The following ZDHHC21 variants were observed in gnomAD, a reference collection of about 807,000 sequenced individuals.
ZDHHC21 encodes the protein palmitoyltransferase ZDHHC21.
ZDHHC21 carries 15 observed loss-of-function variants against 34.6 expected under a neutral mutation model. The ratio of observed to expected loss-of-function variants is 0.43; its 90% CI spans 0.29 to 0.67. ZDHHC21 has a LOEUF of 0.67. Among genes scored for constraint, ZDHHC21 ranks in the 30% least tolerant of loss-of-function variants. The pLI, the probability that ZDHHC21 is intolerant of heterozygous loss-of-function variation, is 0.14. For missense variants in ZDHHC21, 344 were observed against 327.7 expected (o/e 1.05, Z -0.38); for synonymous variants, 142 against 101.8 (o/e 1.40, Z -2.38).
chr9:14,591,415 C>A, the ZDHHC21 span, among the ~76,000 whole-genome samples: 3 of 152,058 alleles, frequency 2.0e-5, no homozygotes, highest in Non-Finnish European at 4.4e-5. Flanking sequence ...ACAAGAAGGT[C>A]ATCAAACACT....
At chr9:14,660,372 C>CAAA (rs374162221) in intron 6 of ZDHHC21, among the ~76,000 whole-genome samples, 7,139 of 58,082 alleles carry the variant, frequency 0.12, 1,059 homozygotes, top group Middle Eastern at 0.21. Flanking sequence ...GACTCCATCT[C>CAAA]AAAAAAAAAA....
chr9:14,690,171 C>G (rs1403344909), intron 2 of ZDHHC21, among the ~76,000 whole-genome samples, 166 bp downstream of exon 2: 5 of 152,054 alleles, frequency 3.3e-5, no homozygotes, highest in African/African-American at 1.2e-4. Flanking sequence ...TATGTTCTTC[C>G]AAGAAGGAAG....
chr9:14,628,878 T>C (rs956985940), intron 8 of ZDHHC21, among the ~76,000 whole-genome samples: 3 of 152,182 alleles, frequency 2.0e-5, no homozygotes, highest in African/African-American at 7.2e-5. Context: ...CCGAATGCAT[T>C]AGACTTTTAA....
At position 14,640,150 on chromosome 9, in the gene ZDHHC21, T is replaced by C. The variant is rs372950703; in HGVS notation, c.505-138A>G. The C allele has an allele frequency of 3.2e-4, 157 of 492,020 alleles. 2 individuals are homozygous for C. The East Asian group carries it at 3.2e-3, about 10-fold the overall frequency. 30.5% of individuals were successfully genotyped at this position (492,020 alleles called of 1,614,324 possible). On this transcript the variant is annotated intron_variant, in intron 7 of 9. Transcript: ENST00000380916. ...ACTACCTCTCCCTCTTTTATACTTC[T>C]ATTGAAATCAATGTATAAATATTTT...
downstream of ZDHHC21, among the ~76,000 whole-genome samples, chr9:14,606,386 G>C (rs983289635): frequency 9.9e-5 from 15 of 152,186 alleles, no homozygotes; most frequent in African/African-American, 3.4e-4. Context: ...TAAGCCCAAA[G>C]TTATATGTAG....
At chr9:14,687,094 G>A (rs192172983) in intron 2 of ZDHHC21, among the ~76,000 whole-genome samples, 2 of 150,820 alleles carry the variant, frequency 1.3e-5, no homozygotes, top group East Asian at 3.9e-4. Flanking sequence ...TTGAAAGATG[G>A]CCAAAAACAA....
intron 8 of ZDHHC21, among the ~76,000 whole-genome samples, chr9:14,631,211 G>T (rs1465583530): frequency 6.6e-6 from 1 of 152,208 alleles, no homozygotes; most frequent in Non-Finnish European, 1.5e-5. Flanking sequence ...TGGATAATTT[G>T]TTGCAACTTC....
intron 8 of ZDHHC21, among the ~76,000 whole-genome samples, chr9:14,636,239 G>A (rs1284886107): frequency 6.6e-6 from 1 of 152,050 alleles, no homozygotes; most frequent in Non-Finnish European, 1.5e-5. Flanking sequence ...CCAAGCAAAT[G>A]GAAACCAAAA....
intron 7 of ZDHHC21, among the ~76,000 whole-genome samples, chr9:14,654,622 AAT>A (rs1831855998): frequency 6.6e-6 from 1 of 152,108 alleles, no homozygotes; most frequent in Non-Finnish European, 1.5e-5. Flanking sequence ...CGTTTAAAAA[AAT>A]AGATGACAAA....
At chr9:14,681,101 C>A (rs962837505) in intron 2 of ZDHHC21, among the ~76,000 whole-genome samples, 1 of 152,102 alleles carries the variant, frequency 6.6e-6, no homozygotes, top group Non-Finnish European at 1.5e-5. Flanking sequence ...TTGACCACAA[C>A]CAACTCTAAT....
intron 9 of ZDHHC21, 23 bp from the exon 10 acceptor site, chr9:14,619,121 T>C: frequency 1.3e-6 from 2 of 1,584,644 alleles, no homozygotes; most frequent in Non-Finnish European, 1.7e-6. Flanking sequence ...GCATTATTAG[T>C]GAAAGACAGC....
At chr9:14,600,815 G>A in the ZDHHC21 span, among the ~76,000 whole-genome samples, 1 of 152,116 alleles carries the variant, frequency 6.6e-6, no homozygotes, top group Admixed American at 6.5e-5. Context: ...ATAGACCAAT[G>A]GAACAGAACA....
chr9:14,682,881 A>T (rs1047316296), intron 2 of ZDHHC21, among the ~76,000 whole-genome samples: 3 of 152,206 alleles, frequency 2.0e-5, no homozygotes, highest in Non-Finnish European at 2.9e-5. Context: ...GGATTAAGAA[A>T]CTCACTCAAA....
chr9:14,669,337 A>C (rs1835046553), intron 5 of ZDHHC21, among the ~76,000 whole-genome samples: 1 of 141,540 alleles, frequency 7.1e-6, no homozygotes, highest in African/African-American at 2.5e-5. Flanking sequence ...GGCGATCATT[A>C]AAAAGTCAGG....
intron 6 of ZDHHC21, among the ~76,000 whole-genome samples, chr9:14,661,422 C>T (rs949540323): frequency 6.6e-6 from 1 of 152,082 alleles, no homozygotes; most frequent in Admixed American, 6.5e-5. Context: ...TATGTGTATA[C>T]AAACATAAAT....
intron 5 of ZDHHC21, among the ~76,000 whole-genome samples, chr9:14,663,359 C>G (rs966013991): frequency 1.3e-5 from 2 of 151,910 alleles, no homozygotes; most frequent in African/African-American, 4.8e-5. Context: ...GAGTAGGACC[C>G]TAGCACATAC....
At chr9:14,663,091 G>A (rs551541991) in intron 5 of ZDHHC21, among the ~76,000 whole-genome samples, 7 of 152,278 alleles carry the variant, frequency 4.6e-5, no homozygotes, top group African/African-American at 1.7e-4. Flanking sequence ...GTTTGCATAA[G>A]AGAAAAGGCT....
At chr9:14,670,656 G>A (rs913512055) in intron 5 of ZDHHC21, among the ~76,000 whole-genome samples, 4 of 152,034 alleles carry the variant, frequency 2.6e-5, no homozygotes, top group Non-Finnish European at 5.9e-5. Flanking sequence ...GAAAGAACTT[G>A]AGTCATTCCT....
At position 14,612,061 on chromosome 9, in the gene ZDHHC21, G is replaced by C. The variant is rs1823390737; in HGVS notation, c.*6905C>G. The C allele has an allele frequency of 6.6e-6, 1 of 151,822 alleles. No individual in the cohort carries two copies. 9.4% of individuals were successfully genotyped at this position (151,822 alleles called of 1,614,324 possible). The stretch of plus-strand genomic sequence containing the variant: ...TCAATACAGTGGCAACACAATCTAG[G>C]GAATATTGTTGGCAGATTAGAGAGA... On this transcript the variant is annotated 3_prime_UTR_variant, in exon 10 of 10. Transcript: ENST00000380916.
Sources: gnomAD v4.1 joint callset for allele counts (sites outside exome capture counted in the v4.1 genomes callset) on GRCh38, gnomAD v4.1.1 for gene constraint, MANE v1.5 for transcripts, NCBI Gene and HGNC (gene_info 2026-07-23, HGNC 2026-07-21) for gene names.